Variants in KSR2 observed in about 807,000 individuals in gnomAD.
KSR2 encodes the protein kinase suppressor of ras 2.
KSR2 carries 25 observed loss-of-function variants against 107.8 expected under a neutral mutation model. That is an observed-to-expected ratio of 0.23 (90% CI 0.17 to 0.32). KSR2 has a LOEUF of 0.32. Among genes scored for constraint, KSR2 ranks in the 10% least tolerant of loss-of-function variants. The pLI is 1.00. For synonymous variants in KSR2, 480 were observed against 507.0 expected (o/e 0.95, Z 0.71); for missense variants, 887 against 1,268.9 (o/e 0.70, Z 4.57).
intron 3 of KSR2, among the ~76,000 whole-genome samples, chr12:117,779,488 C>G (rs1889805966): frequency 6.6e-6 from 1 of 152,116 alleles, no homozygotes; most frequent in Non-Finnish European, 1.5e-5. Context: ...ACCAAGCAAG[C>G]AGTGGGCCTG....
At chr12:117,567,184 A>G (rs551596058) in intron 7 of KSR2, among the ~76,000 whole-genome samples, 1 of 152,342 alleles carries the variant, frequency 6.6e-6, no homozygotes, top group East Asian at 1.9e-4. Flanking sequence ...AAAGGGCAGA[A>G]GGTGGCACTT....
intron 3 of KSR2, among the ~76,000 whole-genome samples, chr12:117,786,097 A>G (rs1393792075): frequency 6.6e-6 from 1 of 152,182 alleles, no homozygotes; most frequent in African/African-American, 2.4e-5. Flanking sequence ...ATTATAGATA[A>G]AAGGACAACA....
chr12:117,621,806 T>C (rs754864602), intron 5 of KSR2, among the ~76,000 whole-genome samples: 24 of 152,114 alleles, frequency 1.6e-4, no homozygotes, highest in South Asian at 1.0e-3. Flanking sequence ...ATAAAACATA[T>C]TTTTAAAAAT....
intron 4 of KSR2, among the ~76,000 whole-genome samples, chr12:117,753,947 C>CGTGTGTGTGTGTGTGT (rs34174404): frequency 7.8e-6 from 1 of 128,960 alleles, no homozygotes; most frequent in Non-Finnish European, 1.6e-5. Context: ...AAGTATAGAG[C>CGTGTGTGTGTGTGTGT]GTGTGTGTGT....
intron 1 of KSR2, among the ~76,000 whole-genome samples, chr12:117,962,108 G>A (rs1593408750): frequency 1.4e-5 from 2 of 139,284 alleles, no homozygotes; most frequent in East Asian, 4.7e-4. Flanking sequence ...TGGCACCACT[G>A]TACTCCAACC....
intron 14 of KSR2, among the ~76,000 whole-genome samples, chr12:117,502,920 T>C (rs1463152313): frequency 6.6e-6 from 1 of 152,074 alleles, no homozygotes; most frequent in African/African-American, 2.4e-5. Context: ...TAAATAGAAC[T>C]TGAAGGACCT....
chr12:117,880,808 C>G (rs1012706584), intron 1 of KSR2, among the ~76,000 whole-genome samples: 17 of 147,900 alleles, frequency 1.1e-4, no homozygotes, highest in African/African-American at 4.2e-4. Context: ...GCTGGGATTA[C>G]AGGTGCACAC....
chr12:117,863,174 C>T (rs986905346), intron 1 of KSR2, among the ~76,000 whole-genome samples: 17 of 152,168 alleles, frequency 1.1e-4, no homozygotes, highest in African/African-American at 4.1e-4. Context: ...TGACCCAGGC[C>T]CCACCAAACA....
chr12:117,557,609 T>C (rs930951034), intron 8 of KSR2, among the ~76,000 whole-genome samples: 3 of 152,140 alleles, frequency 2.0e-5, no homozygotes, highest in African/African-American at 7.2e-5. Context: ...CTTTCTGCAG[T>C]CAAAAAAATG....
intron 9 of KSR2, among the ~76,000 whole-genome samples, chr12:117,549,466 C>G (rs1592981854): frequency 6.6e-6 from 1 of 152,098 alleles, no homozygotes; most frequent in South Asian, 2.1e-4. Flanking sequence ...GCTTGTGCTT[C>G]TACATGGACA....
chr12:117,763,095 G>C (rs1005300570), intron 3 of KSR2, among the ~76,000 whole-genome samples: 70 of 151,408 alleles, frequency 4.6e-4, no homozygotes, highest in African/African-American at 1.6e-3. Flanking sequence ...CTGTGTCCAT[G>C]TGTTCTCATT....
At chr12:117,498,762 C>T (rs758152454) in intron 14 of KSR2, among the ~76,000 whole-genome samples, 6 of 152,224 alleles carry the variant, frequency 3.9e-5, no homozygotes, top group South Asian at 2.1e-4. Flanking sequence ...TCACAAGATC[C>T]GATGGCTTTA....
intron 4 of KSR2, among the ~76,000 whole-genome samples, chr12:117,730,389 G>C (rs532518577): frequency 6.6e-6 from 1 of 151,860 alleles, no homozygotes; most frequent in South Asian, 2.1e-4. Flanking sequence ...AATATATCCT[G>C]TCTCTATTAT....
chr12:117,484,395 G>C (rs1156427168), intron 16 of KSR2, 21 bp downstream of exon 16: 2 of 1,612,954 alleles, frequency 1.2e-6, no homozygotes, highest in Non-Finnish European at 1.7e-6. Context: ...AAACTCTCCG[G>C]GTCTTCCCAC....
At chr12:117,540,447 T>C (rs1235774883) in intron 9 of KSR2, among the ~76,000 whole-genome samples, 1 of 152,196 alleles carries the variant, frequency 6.6e-6, no homozygotes, top group Non-Finnish European at 1.5e-5. Flanking sequence ...AGCACAGTAG[T>C]GGGTTGAACA....
chr12:117,513,668 G>A (rs1319382664), intron 14 of KSR2, among the ~76,000 whole-genome samples: 1 of 152,208 alleles, frequency 6.6e-6, no homozygotes, highest in Admixed American at 6.5e-5. Flanking sequence ...CCAGCAGTGG[G>A]GAGTTCTTAA....
Position 117,968,745 on chromosome 12 carries a change from C to A in KSR2, c.-490G>T, listed in dbSNP as rs909093854. 4 of 156,680 alleles carry A rather than the reference C, an allele frequency of 2.6e-5. No homozygotes were observed. The highest frequency in any genetic ancestry group is 1.7e-4 in the South Asian group (1 of 5,844). The allele number at this position is 156,680 out of a possible 1,614,324, so 9.7% of individuals were successfully genotyped here. On this transcript the variant is annotated 5_prime_UTR_variant, in exon 1 of 20. It removes the in-frame stop codon of an upstream open reading frame in the 5' UTR. Transcript: ENST00000339824. ...ATTTTTGGCTGGCTTGCTTTTATGT[C>A]AAAAAAAATCTGGTTTTCCCCCCTC...
Position 117,459,684 on chromosome 12 carries a change from G to A in KSR2, c.*7515C>T, listed in dbSNP as rs1449148013. Reference sequence around the variant, plus strand: ...CACATTGGCCTCCAAGCCATGGTATGTTGGAGAAGCCACCAACACACAGCA... The same window carrying A: ...CACATTGGCCTCCAAGCCATGGTATATTGGAGAAGCCACCAACACACAGCA... On this transcript the variant is annotated 3_prime_UTR_variant, in exon 20 of 20. Transcript: ENST00000339824. The A allele has an allele frequency of 6.6e-6, 1 of 152,238 alleles. No individual in the cohort carries two copies. The highest frequency in any genetic ancestry group is 1.9e-4 in the East Asian group (1 of 5,204). 9.4% of individuals were successfully genotyped at this position (152,238 alleles called of 1,614,324 possible).
chr12:117,934,491 A>C (rs972080848), intron 1 of KSR2, among the ~76,000 whole-genome samples: 1 of 152,210 alleles, frequency 6.6e-6, no homozygotes, highest in African/African-American at 2.4e-5. Context: ...ATCCAGAAAG[A>C]AAGCCAAACT....
Sources: gnomAD v4.1 joint callset for allele counts (sites outside exome capture counted in the v4.1 genomes callset) on GRCh38, gnomAD v4.1.1 for gene constraint, MANE v1.5 for transcripts, NCBI Gene and HGNC (gene_info 2026-07-23, HGNC 2026-07-21) for gene names.